The following MGAT4C variants were observed in gnomAD, a reference collection of about 807,000 sequenced individuals.
MGAT4C encodes MGAT4 family member C.
A neutral mutation model predicts 40.1 loss-of-function variants in MGAT4C; 19 were observed. The observed-to-expected ratio is 0.47, with a 90% confidence interval of 0.33 to 0.70. The LOEUF (loss-of-function observed/expected upper bound fraction) is 0.70. Among genes scored for constraint, MGAT4C ranks in the 30% least tolerant of loss-of-function variants. The pLI, the probability that MGAT4C is intolerant of heterozygous loss-of-function variation, is 0.02. For synonymous variants in MGAT4C, 181 were observed against 187.1 expected (o/e 0.97, Z 0.27); for missense variants, 491 against 563.2 (o/e 0.87, Z 1.30).
chr12:86,644,070 C>A (rs1164718966), intron 2 of MGAT4C, among the ~76,000 whole-genome samples: 1 of 151,452 alleles, frequency 6.6e-6, no homozygotes, highest in Non-Finnish European at 1.5e-5. Context: ...CTTAGAACAA[C>A]AAATTTACTA....
chr12:86,107,026 T>C (rs1876309013), intron 1 of MGAT4C, among the ~76,000 whole-genome samples: 1 of 152,150 alleles, frequency 6.6e-6, no homozygotes, highest in African/African-American at 2.4e-5. Context: ...TACTAAGCCC[T>C]CAAGATTCAC....
At chr12:86,190,211 A>G (rs1255822385) in intron 1 of MGAT4C, among the ~76,000 whole-genome samples, 1 of 152,090 alleles carries the variant, frequency 6.6e-6, no homozygotes, top group Admixed American at 6.6e-5. Flanking sequence ...TTTTTATTAC[A>G]CCAGGGATTA....
At chr12:86,168,978 T>C (rs1886496655) in intron 1 of MGAT4C, among the ~76,000 whole-genome samples, 1 of 152,186 alleles carries the variant, frequency 6.6e-6, no homozygotes, top group South Asian at 2.1e-4. Flanking sequence ...TGTGTACTTT[T>C]TAAAATGAGT....
At chr12:86,710,999 A>C (rs1189117501) in intron 2 of MGAT4C, among the ~76,000 whole-genome samples, 1 of 152,092 alleles carries the variant, frequency 6.6e-6, no homozygotes, top group Middle Eastern at 3.2e-3. Context: ...ATGCAAATGC[A>C]TAAGAATGAT....
rs11103979 is a variant in MGAT4C, at chr12:86,535,839, T to C, written c.-228-100574A>G. On this transcript the variant is annotated intron_variant, in intron 2 of 7. Transcript: ENST00000548651. Reference sequence around the variant, plus strand: ...CAGTTAGTTTTGTTAGTAATTATACTCTTCAAGCCTTTATTTGTATGAAAG... The same window carrying C: ...CAGTTAGTTTTGTTAGTAATTATACCCTTCAAGCCTTTATTTGTATGAAAG... Among the ~76,000 whole-genome samples the C allele has an allele frequency of 8.3e-3, 1,260 of 152,190 alleles. 25 individuals carry two copies. Among genetic ancestry groups the C allele is most frequent in the African/African-American group, 0.029 (1,209 of 41,542 alleles).
At chr12:86,674,360 TC>T (rs1964337563) in intron 2 of MGAT4C, among the ~76,000 whole-genome samples, 1 of 152,202 alleles carries the variant, frequency 6.6e-6, no homozygotes, top group African/African-American at 2.4e-5. Context: ...CTATGCATTT[TC>T]TTCCTATTTA....
chr12:86,332,836 C>T (rs890736600), intron 4 of MGAT4C, among the ~76,000 whole-genome samples: 8 of 151,996 alleles, frequency 5.3e-5, no homozygotes, highest in African/African-American at 1.9e-4. Flanking sequence ...AATGACTGTG[C>T]TAAAAGAGGA....
rs1318984976 is a variant in MGAT4C at position 86,566,525 on chromosome 12, CATATACATATATATATATATAT to C, written c.-228-131282_-228-131261del. On this transcript the variant is annotated intron_variant, in intron 2 of 7. Transcript: ENST00000548651. ...CATGTGAGTTAATACTTAGTAAACT[CATATACATATATATATATATAT>C]ATATATATATATATATATATATATA... 4.7e-4 allele frequency among the ~76,000 whole-genome samples: 33 copies of C among 70,966 alleles called. 2 individuals carry two copies. The highest frequency in any genetic ancestry group is 9.2e-4 in the Admixed American group (4 of 4,338). The allele number at this position is 70,966 out of a possible 152,430, so 46.6% of individuals were successfully genotyped here. A position where few individuals can be genotyped will look rare whatever the true frequency, so the allele number is the denominator to read the frequency against.
chr12:86,168,569 T>C (rs1886440104), intron 1 of MGAT4C, among the ~76,000 whole-genome samples: 1 of 152,072 alleles, frequency 6.6e-6, no homozygotes, highest in South Asian at 2.1e-4. Flanking sequence ...CTGAAAGAAA[T>C]TAAAATAGGA....
intron 2 of MGAT4C, among the ~76,000 whole-genome samples, chr12:86,725,237 T>C (rs1439341394): frequency 6.6e-6 from 1 of 152,208 alleles, no homozygotes; most frequent in African/African-American, 2.4e-5. Context: ...CTTTTCCCTA[T>C]TTTTTAATGA....
At chr12:86,348,111 T>C (rs75894383) in intron 3 of MGAT4C, among the ~76,000 whole-genome samples, 1,567 of 152,288 alleles carry the variant, frequency 0.01, 19 homozygotes, top group East Asian at 0.045. Flanking sequence ...CAATAAAATA[T>C]TCCTAACATC....
intron 2 of MGAT4C, chr12:86,002,160 T>C (rs7489114): frequency 0.25 from 38,532 of 151,990 alleles, 5,595 homozygotes; most frequent in Non-Finnish European, 0.33. Flanking sequence ...ACTTTAGGTC[T>C]CCTATTTCCA....
intron 3 of MGAT4C, among the ~76,000 whole-genome samples, chr12:86,375,122 T>A (rs1955800214): frequency 6.6e-6 from 1 of 152,140 alleles, no homozygotes; most frequent in Non-Finnish European, 1.5e-5. Context: ...GAATAAAATT[T>A]AAAAAAACAG....
intron 1 of MGAT4C, among the ~76,000 whole-genome samples, chr12:86,146,662 T>C (rs1883557183): frequency 6.6e-6 from 1 of 151,962 alleles, no homozygotes; most frequent in African/African-American, 2.4e-5. Flanking sequence ...TCTTGAAAGC[T>C]TCTCTTCCCA....
intron 3 of MGAT4C, among the ~76,000 whole-genome samples, chr12:86,355,185 ATT>A (rs1442304460): frequency 1.3e-5 from 2 of 152,100 alleles, no homozygotes; most frequent in Non-Finnish European, 2.9e-5. Context: ...TGATTGGCAT[ATT>A]TTACAAAACT....
At chr12:86,345,667 G>T (rs950197112) in intron 3 of MGAT4C, among the ~76,000 whole-genome samples, 2 of 152,106 alleles carry the variant, frequency 1.3e-5, no homozygotes, top group Non-Finnish European at 2.9e-5. Context: ...TGGACATTTG[G>T]GTTGGTTCCA....
chr12:86,124,254 T>C (rs1192456209), intron 1 of MGAT4C, among the ~76,000 whole-genome samples: 1 of 152,154 alleles, frequency 6.6e-6, no homozygotes, highest in Non-Finnish European at 1.5e-5. Flanking sequence ...TTGCCTATCA[T>C]GTATACTTAA....
chr12:86,095,669 G>T, intron 1 of MGAT4C, among the ~76,000 whole-genome samples: 1 of 150,614 alleles, frequency 6.6e-6, no homozygotes, highest in Non-Finnish European at 1.5e-5. Flanking sequence ...AGGAATATTG[G>T]AACTCGTTGG....
At chr12:86,132,252 T>C (rs2135714018) in intron 1 of MGAT4C, among the ~76,000 whole-genome samples, 2 of 152,334 alleles carry the variant, frequency 1.3e-5, no homozygotes, top group South Asian at 2.1e-4. Flanking sequence ...TAAGCAAATA[T>C]AATATGTGAC....
Sources: allele counts gnomAD v4.1 joint callset (sites outside exome capture counted in the v4.1 genomes callset), GRCh38; gene constraint gnomAD v4.1.1; transcripts MANE v1.5; gene names NCBI Gene and HGNC (gene_info 2026-07-23, HGNC 2026-07-21).